The following SENP7 variants were observed in gnomAD, a reference collection of about 807,000 sequenced individuals.
The protein encoded by SENP7 is SUMO specific peptidase 7.
A neutral mutation model predicts 141.2 loss-of-function variants in SENP7; 64 were observed. That is an observed-to-expected ratio of 0.45 (90% confidence interval 0.37 to 0.56). The LOEUF is 0.56. SENP7 is among the 20% of genes least tolerant of loss of function. The pLI is 0.00. For synonymous variants in SENP7, 382 were observed against 426.4 expected (o/e 0.90, Z 1.28); for missense variants, 1,025 against 1,212.2 (o/e 0.85, Z 2.29).
chr3:101,359,086 T>G (rs2059822888), intron 11 of SENP7: 1 of 152,060 alleles, frequency 6.6e-6, no homozygotes, highest in African/African-American at 2.4e-5. Flanking sequence ...TAGAAATGTA[T>G]AAAACGTGAC....
chr3:101,420,264 A>G (rs901901005), intron 4 of SENP7, among the ~76,000 whole-genome samples: 1 of 152,170 alleles, frequency 6.6e-6, no homozygotes, highest in Non-Finnish European at 1.5e-5. Context: ...GCTACTCAGG[A>G]GGCTGAGGCA....
At chr3:101,381,626 T>G (rs1311732825) in intron 6 of SENP7, among the ~76,000 whole-genome samples, 1 of 152,092 alleles carries the variant, frequency 6.6e-6, no homozygotes, top group East Asian at 1.9e-4. Context: ...AATGAAATAT[T>G]ATTTTGAAAA....
At chr3:101,446,662 A>C (rs12490010) in intron 4 of SENP7, among the ~76,000 whole-genome samples, 80 of 152,248 alleles carry the variant, frequency 5.3e-4, no homozygotes, top group African/African-American at 1.9e-3. Flanking sequence ...CATGCTCCTG[A>C]ACAGCCACTA....
intron 6 of SENP7, among the ~76,000 whole-genome samples, chr3:101,394,509 T>C (rs925272244): frequency 4.2e-5 from 6 of 144,418 alleles, no homozygotes; most frequent in African/African-American, 1.0e-4. Flanking sequence ...TATGTTTCTT[T>C]TTAAAAATTT....
intron 11 of SENP7, chr3:101,357,182 G>A: frequency 4.8e-6 from 1 of 207,850 alleles, no homozygotes; most frequent in Non-Finnish European, 9.9e-6. Flanking sequence ...TGCATTCTCA[G>A]TAGAGACAAG....
intron 6 of SENP7, among the ~76,000 whole-genome samples, chr3:101,387,031 C>T (rs2107525606): frequency 6.6e-6 from 1 of 152,320 alleles, no homozygotes; most frequent in East Asian, 1.9e-4. Context: ...GCTGCTGGCA[C>T]CCATGTGCAC....
At chr3:101,367,492 A>T (rs911484003) in intron 8 of SENP7, among the ~76,000 whole-genome samples, 4 of 152,118 alleles carry the variant, frequency 2.6e-5, no homozygotes, top group African/African-American at 9.6e-5. Flanking sequence ...AGCAAAAAAA[A>T]ATGACTAGAC....
intron 1 of SENP7, among the ~76,000 whole-genome samples, chr3:101,505,720 T>G (rs1033530570): frequency 6.6e-6 from 1 of 152,202 alleles, no homozygotes; most frequent in Non-Finnish European, 1.5e-5. Flanking sequence ...GGCTTACTAG[T>G]TGTGACTTCT....
intron 1 of SENP7, among the ~76,000 whole-genome samples, chr3:101,504,756 C>T (rs912026526): frequency 1.3e-5 from 2 of 152,324 alleles, no homozygotes; most frequent in Non-Finnish European, 1.5e-5. Flanking sequence ...TAGAAGCTCA[C>T]ACCTATAATC....
chr3:101,378,175 A>G (rs2060390756), intron 6 of SENP7, among the ~76,000 whole-genome samples: 1 of 152,026 alleles, frequency 6.6e-6, no homozygotes, highest in Admixed American at 6.6e-5. Flanking sequence ...ACAAAAAACA[A>G]AAAGAAAATT....
chr3:101,346,940 TA>T (rs1227596045), intron 13 of SENP7, among the ~76,000 whole-genome samples: 1 of 148,704 alleles, frequency 6.7e-6, no homozygotes, highest in South Asian at 2.1e-4. Context: ...TCAATCTGTT[TA>T]AAAAAAGGAG....
chr3:101,442,641 A>C (rs79832386), intron 4 of SENP7, among the ~76,000 whole-genome samples: 6 of 151,394 alleles, frequency 4.0e-5, no homozygotes, highest in Middle Eastern at 3.2e-3. Flanking sequence ...AAAACAATAC[A>C]AAAAAAAATC....
intron 11 of SENP7, among the ~76,000 whole-genome samples, chr3:101,354,349 G>T (rs1286331440): frequency 6.6e-6 from 1 of 151,998 alleles, no homozygotes; most frequent in Non-Finnish European, 1.5e-5. Context: ...TGTACAGATT[G>T]TTTTGAAACC....
chr3:101,338,285 G>C (rs182098638), intron 16 of SENP7, among the ~76,000 whole-genome samples: 3 of 152,282 alleles, frequency 2.0e-5, no homozygotes, highest in Middle Eastern at 3.4e-3. Context: ...ATCCAGAGGA[G>C]TGAGGGTAGA....
chr3:101,411,932 G>A (rs551203382), intron 5 of SENP7, among the ~76,000 whole-genome samples: 5 of 152,260 alleles, frequency 3.3e-5, no homozygotes, highest in Non-Finnish European at 5.9e-5. Flanking sequence ...ACTGGCCTGA[G>A]AAGTAGTATC....
Position 101,474,181 on chromosome 3 carries a change from T to C in SENP7, c.187-15129A>G, listed in dbSNP as rs2064123123. Among the ~76,000 whole-genome samples the C allele has an allele frequency of 2.6e-5, 4 of 152,208 alleles. No individual in the cohort carries two copies. In the South Asian group the frequency reaches 8.3e-4, roughly 32 times the overall value. On this transcript the variant is annotated intron_variant, in intron 3 of 23. Transcript: ENST00000394095. Reference sequence around the variant, plus strand: ...ATTGCCTTGACCATTCAGGCTCTTTTTTGGTTCCATATGAATTTTAAAATA... The same window carrying C: ...ATTGCCTTGACCATTCAGGCTCTTTCTTGGTTCCATATGAATTTTAAAATA...
chr3:101,454,181 C>G (rs1377967874), intron 4 of SENP7, among the ~76,000 whole-genome samples: 2 of 152,152 alleles, frequency 1.3e-5, no homozygotes, highest in African/African-American at 4.8e-5. Context: ...CACAGCAATT[C>G]TAATCCTAGT....
At chr3:101,344,492 T>C (rs1189020942) in intron 13 of SENP7, among the ~76,000 whole-genome samples, 2 of 152,170 alleles carry the variant, frequency 1.3e-5, no homozygotes, top group African/African-American at 4.8e-5. Context: ...TTGAAAGTTA[T>C]AAAATTTAGT....
rs1345508127 is a variant in SENP7 at position 101,469,553 on chromosome 3, G to A, written c.187-10501C>T. Among the ~76,000 whole-genome samples the A allele has an allele frequency of 8.3e-5, 8 of 96,690 alleles. 3 individuals are homozygous for A. Among genetic ancestry groups the A allele is most frequent in the Non-Finnish European group, 1.6e-4 (7 of 43,932 alleles). The allele number at this position is 96,690 out of a possible 152,430, so 63.4% of individuals were successfully genotyped here. On this transcript the variant is annotated intron_variant, in intron 3 of 23. Coordinates refer to ENST00000394095, the MANE Select transcript of SENP7 (RefSeq NM_020654.5). ...AAGAACAGATATCACGGCCGGGCGC[G>A]ATGGCTCACGCCTGTAATCCCAGCA...
Sources: allele counts gnomAD v4.1 joint callset (sites outside exome capture counted in the v4.1 genomes callset), GRCh38; gene constraint gnomAD v4.1.1; transcripts MANE v1.5; gene names NCBI Gene and HGNC (gene_info 2026-07-23, HGNC 2026-07-21).